Variants in SUMF1 observed in about 807,000 individuals in gnomAD.
SUMF1 encodes the protein formylglycine-generating enzyme.
Under a neutral mutation model 47.6 loss-of-function variants are expected in SUMF1, and 48 were observed. The ratio of observed to expected loss-of-function variants is 1.01; its 90% confidence interval spans 0.80 to 1.28. The LOEUF (loss-of-function observed/expected upper bound fraction) is 1.28. Ranked by LOEUF, SUMF1 falls within the 50% of genes most tolerant of loss-of-function variation. SUMF1 has a pLI of 0.00. For missense variants in SUMF1, 571 were observed against 485.4 expected (o/e 1.18, Z -1.66); for synonymous variants, 230 against 192.1 (o/e 1.20, Z -1.63).
At chr3:4,349,835 G>A (rs553494171) in intron 8 of SUMF1, among the ~76,000 whole-genome samples, 12 of 152,122 alleles carry the variant, frequency 7.9e-5, no homozygotes, top group East Asian at 1.9e-4. Context: ...GGCCAGTTGC[G>A]GGGTAGGAGG....
intron 8 of SUMF1, among the ~76,000 whole-genome samples, chr3:4,268,662 C>T (rs1697246739): frequency 6.6e-6 from 1 of 151,372 alleles, no homozygotes; most frequent in Non-Finnish European, 1.5e-5. Flanking sequence ...CCCCTGTTTA[C>T]ATACACAGAA....
At chr3:4,318,057 A>G (rs574290051) in intron 8 of SUMF1, among the ~76,000 whole-genome samples, 98 of 152,264 alleles carry the variant, frequency 6.4e-4, no homozygotes, top group Non-Finnish European at 1.2e-3. Context: ...AAGGTTACAT[A>G]CATACACACA....
chr3:4,249,534 A>G (rs1696746303), intron 8 of SUMF1, among the ~76,000 whole-genome samples: 1 of 152,192 alleles, frequency 6.6e-6, no homozygotes, highest in South Asian at 2.1e-4. Flanking sequence ...AATCACGTCC[A>G]TATAAGATGG....
intron 8 of SUMF1, among the ~76,000 whole-genome samples, chr3:4,137,359 A>C (rs1280946911): frequency 6.6e-6 from 1 of 152,034 alleles, no homozygotes; most frequent in Non-Finnish European, 1.5e-5. Flanking sequence ...ATTCTCAGCA[A>C]ACTATTGCAA....
intron 8 of SUMF1, among the ~76,000 whole-genome samples, chr3:4,344,513 C>T (rs544354119): frequency 6.6e-6 from 1 of 152,286 alleles, no homozygotes; most frequent in South Asian, 2.1e-4. Flanking sequence ...AAGGCCCCCA[C>T]AAAAGCCCCA....
chr3:4,267,753 T>A (rs1208550956), intron 8 of SUMF1, among the ~76,000 whole-genome samples: 4 of 150,046 alleles, frequency 2.7e-5, no homozygotes, highest in African/African-American at 9.9e-5. Context: ...CTGGAGAGGA[T>A]GTGGAGAAAT....
chr3:4,306,720 G>C (rs1177306510), intron 8 of SUMF1, among the ~76,000 whole-genome samples: 1 of 152,232 alleles, frequency 6.6e-6, no homozygotes, highest in African/African-American at 2.4e-5. Flanking sequence ...AAAACAGCTT[G>C]CTTGCTCCAA....
chr3:4,408,887 G>A (rs558840339), intron 7 of SUMF1, among the ~76,000 whole-genome samples: 22 of 152,082 alleles, frequency 1.4e-4, no homozygotes, highest in African/African-American at 4.3e-4. Flanking sequence ...GATTGAACAC[G>A]GGAGGCAGAG....
chr3:4,280,084 G>A (rs1470205037), intron 8 of SUMF1, among the ~76,000 whole-genome samples: 2 of 152,102 alleles, frequency 1.3e-5, no homozygotes, highest in South Asian at 2.1e-4. Flanking sequence ...TAGATTTTAA[G>A]TGTTCTTACC....
intron 8 of SUMF1, among the ~76,000 whole-genome samples, chr3:4,246,059 G>A (rs562989506): frequency 2.0e-5 from 3 of 152,292 alleles, no homozygotes; most frequent in East Asian, 1.9e-4. Flanking sequence ...TGTGGGAACC[G>A]CCAAGCCAGG....
chr3:4,385,061 T>C (rs1227649112), intron 7 of SUMF1, among the ~76,000 whole-genome samples: 3 of 151,992 alleles, frequency 2.0e-5, no homozygotes, highest in Non-Finnish European at 2.9e-5. Context: ...AATTTCTGTA[T>C]TTTTAGCACA....
At chr3:4,259,587 A>T (rs774852040) in intron 8 of SUMF1, among the ~76,000 whole-genome samples, 1 of 152,104 alleles carries the variant, frequency 6.6e-6, no homozygotes, top group Non-Finnish European at 1.5e-5. Context: ...TTCTATCAAT[A>T]CATCTCAGTA....
At chr3:4,193,905 A>AT (rs1234442682) in intron 8 of SUMF1, among the ~76,000 whole-genome samples, 5 of 152,196 alleles carry the variant, frequency 3.3e-5, no homozygotes, top group South Asian at 2.1e-4. Context: ...GTAAAACAGT[A>AT]TATGACATGT....
intron 7 of SUMF1, among the ~76,000 whole-genome samples, chr3:4,402,860 T>C (rs1701258731): frequency 6.6e-6 from 1 of 152,086 alleles, no homozygotes; most frequent in Non-Finnish European, 1.5e-5. Context: ...AAAAAATAGC[T>C]ACATAAAAAA....
intron 7 of SUMF1, among the ~76,000 whole-genome samples, chr3:4,386,042 T>C (rs1700662040): frequency 1.3e-5 from 2 of 152,202 alleles, no homozygotes; most frequent in Admixed American, 1.3e-4. Flanking sequence ...AGCTAAGTAG[T>C]AAGTCTTCAA....
chr3:4,356,660 C>T (rs372744143), downstream of SUMF1, among the ~76,000 whole-genome samples: 24 of 151,858 alleles, frequency 1.6e-4, no homozygotes, highest in East Asian at 3.9e-3. Context: ...GCAGATGAAA[C>T]GGGGCTGCAG....
rs368547327 is a variant in SUMF1, at chr3:4,273,775, AG to A, written c.1014+102554del. Among the ~76,000 whole-genome samples the A allele has an allele frequency of 6.2e-3, 120 of 19,334 alleles. 1 individual carries two copies. The highest frequency in any genetic ancestry group is 0.056 in the East Asian group (24 of 432). 12.7% of individuals were successfully genotyped at this position (19,334 alleles called of 152,430 possible). A position where few individuals can be genotyped will look rare whatever the true frequency, so the allele number is the denominator to read the frequency against. On this transcript the variant is annotated intron_variant and NMD_transcript_variant, in intron 8 of 12. Transcript: ENST00000448413. ...AGGATACGGGAGGGGAGGATACGGG[AG>A]GGGAGGATACGGGAGGGGAGGGCAT...
intron 1 of SUMF1, among the ~76,000 whole-genome samples, chr3:4,462,355 G>A (rs1042961639): frequency 6.6e-6 from 1 of 152,188 alleles, no homozygotes; most frequent in South Asian, 2.1e-4. Flanking sequence ...AGTAGGAGAA[G>A]GGACATTACC....
intron 3 of SUMF1, among the ~76,000 whole-genome samples, chr3:4,431,060 G>C (rs1702217387): frequency 6.6e-6 from 1 of 152,220 alleles, no homozygotes; most frequent in Admixed American, 6.5e-5. Context: ...AGGATGAACA[G>C]AAATAAGGTA....
Sources: allele counts gnomAD v4.1 joint callset (sites outside exome capture counted in the v4.1 genomes callset), GRCh38; gene constraint gnomAD v4.1.1; transcripts MANE v1.5; gene names NCBI Gene and HGNC (gene_info 2026-07-23, HGNC 2026-07-21).